The following MFSD6 variants were observed in gnomAD, a reference collection of about 807,000 sequenced individuals.
MFSD6 encodes the protein major facilitator superfamily domain-containing protein 6.
Under a neutral mutation model 56.3 loss-of-function variants are expected in MFSD6, and 26 were observed. The observed-to-expected ratio is 0.46, with a 90% CI of 0.34 to 0.64. The LOEUF (loss-of-function observed/expected upper bound fraction) is 0.64. Ranked by LOEUF, MFSD6 falls within the 30% of genes least tolerant of loss-of-function variation. The pLI is 0.01. For synonymous variants in MFSD6, 331 were observed against 366.9 expected, an observed-to-expected ratio of 0.90 and a Z score of 1.12; for missense variants, 750 against 986.2, an observed-to-expected ratio of 0.76 and a Z score of 3.21.
Position 190,424,482 on chromosome 2 carries a change from C to T in MFSD6, c.-54+9069C>T, listed in dbSNP as rs1255889860. ...TCCCGAGTAGCTGGGATTACAGGCA[C>T]ATGACACCATGCCCAGCTAATTTTG... On this transcript the variant is annotated intron_variant, in intron 2 of 7. Coordinates refer to ENST00000392328, the MANE Select transcript of MFSD6 (RefSeq NM_017694.4). The surrounding 1 kb of genome is among the most constrained non-coding windows in gnomAD (Gnocchi z 5.9). Among the ~76,000 whole-genome samples, 2 of 151,982 alleles carry T rather than the reference C, an allele frequency of 1.3e-5. No individual in the cohort carries two copies. Among genetic ancestry groups the T allele is most frequent in the Admixed American group, 1.3e-4 (2 of 15,250 alleles).
intron 4 of MFSD6, among the ~76,000 whole-genome samples, chr2:190,475,759 T>A (rs993800793): frequency 6.6e-6 from 1 of 152,088 alleles, no homozygotes; most frequent in African/African-American, 2.4e-5. Context: ...GCCAAGTGAA[T>A]CCTAAGCCAA....
At chr2:190,483,775 C>T (rs564238948) in intron 4 of MFSD6, among the ~76,000 whole-genome samples, 53 of 134,532 alleles carry the variant, frequency 3.9e-4, no homozygotes, top group African/African-American at 1.2e-3. Context: ...GCAGAGGATG[C>T]GGTGAGCCGA....
At position 190,425,473 on chromosome 2, in the gene MFSD6, T is replaced by C. The variant is rs551331796; in HGVS notation, c.-54+10060T>C. On this transcript the variant is annotated intron_variant, in intron 2 of 7. Transcript: ENST00000392328. This position sits in a 1 kb window ranked among gnomAD's most constrained non-coding sequence, Gnocchi z 4.3. ...GTGCAGTGTTACCCATGGGTTTCCG[T>C]AGGTGATCTTTATCAAATTGAGAAC... 3.1e-3 allele frequency among the ~76,000 whole-genome samples: 471 copies of C among 152,316 alleles called. 2 individuals carry two copies. Among genetic ancestry groups the C allele is most frequent in the African/African-American group, 0.011 (448 of 41,568 alleles).
At position 190,461,185 on chromosome 2, in the gene MFSD6, C is replaced by T. The variant is rs1015635178; in HGVS notation, c.1533-8573C>T. 6.6e-6 allele frequency among the ~76,000 whole-genome samples: 1 copy of T among 152,212 alleles called. No homozygotes were observed. On this transcript the variant is annotated intron_variant, in intron 3 of 7. Transcript: ENST00000392328. The surrounding 1 kb of genome is among the most constrained non-coding windows in gnomAD (Gnocchi z 5.5). ...AAAATAGAAACCCAGACAGTGATCC[C>T]TTCAGGTTGAGAACCATGGGTCAGA... is the stretch of plus-strand genomic sequence containing the variant.
At chr2:190,445,760 T>G (rs1314529654) in intron 3 of MFSD6, among the ~76,000 whole-genome samples, 1 of 152,098 alleles carries the variant, frequency 6.6e-6, no homozygotes, top group Non-Finnish European at 1.5e-5. Flanking sequence ...GTTAAGTGCT[T>G]CTCTTTTCAT....
At chr2:190,452,683 G>A (rs1686823984) in intron 3 of MFSD6, among the ~76,000 whole-genome samples, 1 of 152,100 alleles carries the variant, frequency 6.6e-6, no homozygotes, top group South Asian at 2.1e-4. Flanking sequence ...ACTAATGCCT[G>A]GTATCACTTT....
At position 190,415,401 on chromosome 2, in the gene MFSD6, G is replaced by C. The variant is rs1690734516; in HGVS notation, c.-66G>C. On this transcript the variant is annotated 5_prime_UTR_variant, in exon 2 of 8. Coordinates refer to ENST00000392328, the MANE Select transcript of MFSD6 (RefSeq NM_017694.4). This position sits in a 1 kb window ranked among gnomAD's most constrained non-coding sequence, Gnocchi z 4.5. ...TTCTCCTGCCTTGGCCTCCTGAATAGCTAGAACTACAGGTATGAACCACCA... is the reference window on the plus strand; with the variant it reads ...TTCTCCTGCCTTGGCCTCCTGAATACCTAGAACTACAGGTATGAACCACCA... 1 of 151,934 alleles carries C rather than the reference G, an allele frequency of 6.6e-6. No individual in the cohort carries two copies. The highest frequency in any genetic ancestry group is 2.1e-4 in the South Asian group (1 of 4,820). The allele number at this position is 151,934 out of a possible 1,614,324, so 9.4% of individuals were successfully genotyped here.
rs1688936914 is a variant in MFSD6 at position 190,485,106 on chromosome 2, C to G, written c.1631-3551C>G. Among the ~76,000 whole-genome samples, 1 of 152,160 alleles carries G rather than the reference C, an allele frequency of 6.6e-6. No homozygotes were observed. Among genetic ancestry groups the G allele is most frequent in the Non-Finnish European group, 1.5e-5 (1 of 68,020 alleles). ...TAAGAATAGTTTAAAAGCATCCTGA[C>G]TTAAGTCATCCCACTGGAAAATGCT... On this transcript the variant is annotated intron_variant, in intron 4 of 7. Transcript: ENST00000392328. This position sits in a 1 kb window ranked among gnomAD's most constrained non-coding sequence, Gnocchi z 5.1.
chr2:190,423,503 C>T lies in MFSD6; in HGVS notation c.-54+8090C>T, dbSNP rs1685697731. ...TGCTGCATAATATCCCATAGTAAAG[C>T]TGTAGTACAATTTGTTTAATTAGTC... On this transcript the variant is annotated intron_variant, in intron 2 of 7. Coordinates refer to ENST00000392328, the MANE Select transcript of MFSD6 (RefSeq NM_017694.4). This position sits in a 1 kb window ranked among gnomAD's most constrained non-coding sequence, Gnocchi z 4.3. 6.6e-6 allele frequency among the ~76,000 whole-genome samples: 1 copy of T among 152,194 alleles called. No individual in the cohort carries two copies. Among genetic ancestry groups the T allele is most frequent in the Admixed American group, 6.5e-5 (1 of 15,280 alleles).
intron 2 of MFSD6, among the ~76,000 whole-genome samples, chr2:190,420,965 G>C (rs1685593775): frequency 6.6e-6 from 1 of 152,126 alleles, no homozygotes; most frequent in Non-Finnish European, 1.5e-5. Flanking sequence ...TAACGACTTT[G>C]TATTTGTTGA....
rs774219144 is a variant in MFSD6, at chr2:190,418,167, G to T, written c.-54+2754G>T. Among the ~76,000 whole-genome samples, 5 of 152,054 alleles carry T rather than the reference G, an allele frequency of 3.3e-5. No individual in the cohort carries two copies. The highest frequency in any genetic ancestry group is 4.4e-5 in the Non-Finnish European group (3 of 68,000). ...GCTACTCATTCCCTATGTGACTTTG[G>T]GCTGGTTATTTGCCTTCTCTGTGCC... On this transcript the variant is annotated intron_variant, in intron 2 of 7. Coordinates refer to ENST00000392328, the MANE Select transcript of MFSD6 (RefSeq NM_017694.4). This position sits in a 1 kb window ranked among gnomAD's most constrained non-coding sequence, Gnocchi z 4.1.
intron 4 of MFSD6, among the ~76,000 whole-genome samples, chr2:190,483,532 T>C (rs1207979594): frequency 6.6e-6 from 1 of 152,132 alleles, no homozygotes; most frequent in African/African-American, 2.4e-5. Flanking sequence ...AGTAAGCTGA[T>C]GTGATAATAT....
rs755803351 is a variant in MFSD6 at position 190,500,029 on chromosome 2, T to C, written c.2187T>C (p.Asn729=). 8 of 1,614,044 alleles carry C rather than the reference T, an allele frequency of 5.0e-6. No individual in the cohort carries two copies. The highest frequency in any genetic ancestry group is 3.3e-4 in the Middle Eastern group (2 of 6,084). ...EIQPLQGTNE[N]RENSPAGRAQ... is the part of the protein sequence containing the mutation. ...TTTACCTCCAGGGGACCAATGAGAA[T>C]AGGGAAAATTCTCCTGCTGGTAGAG... Residue 729 remains asparagine, a synonymous_variant, in exon 8 of 8, where the codon AAT becomes AAC. Coordinates refer to ENST00000392328, the MANE Select transcript of MFSD6 (RefSeq NM_017694.4). The surrounding 1 kb of genome is among the most constrained non-coding windows in gnomAD (Gnocchi z 5.3).
chr2:190,500,490 G>A lies in MFSD6; in HGVS notation c.*272G>A, dbSNP rs1689975641. The A allele has an allele frequency of 2.4e-6, 1 of 409,206 alleles. No individual in the cohort carries two copies. The highest frequency in any genetic ancestry group is 3.9e-5 in the South Asian group (1 of 25,612). 25.3% of individuals were successfully genotyped at this position (409,206 alleles called of 1,614,324 possible). ...TTCTTTGCTTGGTTAGGTTAAGGAT[G>A]ATAGAATTTCTCTGCCAGTGCAGTA... On this transcript the variant is annotated 3_prime_UTR_variant, in exon 8 of 8. Transcript: ENST00000392328. The surrounding 1 kb of genome is among the most constrained non-coding windows in gnomAD (Gnocchi z 5.3).
At position 190,431,424 on chromosome 2, in the gene MFSD6, T is replaced by C. The variant is rs1428888585; in HGVS notation, c.-53-4553T>C. On this transcript the variant is annotated intron_variant, in intron 2 of 7. Coordinates refer to ENST00000392328, the MANE Select transcript of MFSD6 (RefSeq NM_017694.4). The surrounding 1 kb of genome is among the most constrained non-coding windows in gnomAD (Gnocchi z 4.4). ...CTCCAGCCTGGGCACCATTGATCAC[T>C]GAGTGAACGAGACTCCGTCTGCAAT... 6.6e-6 allele frequency among the ~76,000 whole-genome samples: 1 copy of C among 152,230 alleles called. No individual in the cohort carries two copies. The highest frequency in any genetic ancestry group is 6.5e-5 in the Admixed American group (1 of 15,284).
In MFSD6 at chr2:190,425,406, T is replaced by A. The variant is rs1022423776; in HGVS notation, c.-54+9993T>A. 6.6e-6 allele frequency among the ~76,000 whole-genome samples: 1 copy of A among 152,222 alleles called. No individual in the cohort carries two copies. Among genetic ancestry groups the A allele is most frequent in the Non-Finnish European group, 1.5e-5 (1 of 68,024 alleles). On this transcript the variant is annotated intron_variant, in intron 2 of 7. Coordinates refer to ENST00000392328, the MANE Select transcript of MFSD6 (RefSeq NM_017694.4). The surrounding 1 kb of genome is among the most constrained non-coding windows in gnomAD (Gnocchi z 4.3). ...GATGAGAACAGACAGTCTTGCCTTG[T>A]TCCCTATCTTAGAGAAAAAGCATTC... is the stretch of plus-strand genomic sequence containing the variant.
intron 3 of MFSD6, among the ~76,000 whole-genome samples, chr2:190,468,962 C>T (rs942315003): frequency 6.6e-6 from 1 of 152,150 alleles, no homozygotes; most frequent in African/African-American, 2.4e-5. Flanking sequence ...AGTAGCCACT[C>T]TTTGCTTCCA....
chr2:190,500,179 T>C lies in MFSD6; in HGVS notation c.2337T>C (p.Ser779=). The change falls in exon 8 of 8, where the codon AGT becomes AGC. Residue 779 remains serine, a synonymous_variant. Transcript: ENST00000392328. This position sits in a 1 kb window ranked among gnomAD's most constrained non-coding sequence, Gnocchi z 5.3. ...HPSVDPCTEE[S]EEQQAQLAAG... ...GTGTGGACCCGTGCACAGAGGAGAGTGAAGAGCAGCAGGCTCAGCTGGCCG... is the reference window on the plus strand; with the variant it reads ...GTGTGGACCCGTGCACAGAGGAGAGCGAAGAGCAGCAGGCTCAGCTGGCCG... The C allele has an allele frequency of 6.2e-7, 1 of 1,613,588 alleles. No individual in the cohort carries two copies. Among genetic ancestry groups the C allele is most frequent in the East Asian group, 2.2e-5 (1 of 44,856 alleles).
In MFSD6 at chr2:190,423,864, T is replaced by C. The variant is rs1207750044; in HGVS notation, c.-54+8451T>C. 1.3e-5 allele frequency among the ~76,000 whole-genome samples: 2 copies of C among 152,262 alleles called. No homozygotes were observed. Among genetic ancestry groups the C allele is most frequent in the Non-Finnish European group, 2.9e-5 (2 of 68,042 alleles). On this transcript the variant is annotated intron_variant, in intron 2 of 7. Transcript: ENST00000392328. The surrounding 1 kb of genome is among the most constrained non-coding windows in gnomAD (Gnocchi z 4.3). ...GTGTAGTGATATAGCATCATGGTTT[T>C]AATTTACATTTCCCTAATCATTAAT... is the stretch of plus-strand genomic sequence containing the variant.
Sources: gnomAD v4.1 joint callset for allele counts (sites outside exome capture counted in the v4.1 genomes callset) on GRCh38, gnomAD v4.1.1 for gene constraint, Gnocchi (gnomAD v3.1) non-coding constraint, MANE v1.5 for transcripts, NCBI Gene and HGNC (gene_info 2026-07-23, HGNC 2026-07-21) for gene names.